Variants in RILPL1 observed in about 807,000 individuals in gnomAD.
The protein encoded by RILPL1 is Rab interacting lysosomal protein like 1.
A neutral mutation model predicts 50.3 loss-of-function variants in RILPL1; 33 were observed. That is an observed-to-expected ratio of 0.66 (90% CI 0.50 to 0.88). The LOEUF (loss-of-function observed/expected upper bound fraction) is 0.88, where lower values mean the gene tolerates loss of function less well. Ranked by LOEUF, RILPL1 falls within the 40% of genes least tolerant of loss-of-function variation. The pLI is 0.00. For missense variants in RILPL1, 418 were observed against 542.5 expected (o/e 0.77, Z 2.28); for synonymous variants, 205 against 228.6 (o/e 0.90, Z 0.93).
intron 2 of RILPL1, among the ~76,000 whole-genome samples, chr12:123,507,508 T>C (rs985571809): frequency 1.3e-5 from 2 of 148,804 alleles, no homozygotes; most frequent in African/African-American, 5.0e-5. Context: ...GAGGCTGCAA[T>C]GAGCTATGTC....
intron 2 of RILPL1, chr12:123,518,405 A>T: frequency 2.6e-6 from 1 of 382,810 alleles, no homozygotes; most frequent in South Asian, 1.8e-5. Flanking sequence ...TACTTAGAAG[A>T]CTGAGGTGGG....
chr12:123,513,393 G>T (rs542656595), intron 2 of RILPL1: 3 of 375,706 alleles, frequency 8.0e-6, no homozygotes, highest in African/African-American at 4.2e-5. Flanking sequence ...TTGGCTCCCC[G>T]AGAGGTGGGC....
At chr12:123,521,096 A>G (rs2139381261) in intron 2 of RILPL1, among the ~76,000 whole-genome samples, 1 of 152,244 alleles carries the variant, frequency 6.6e-6, no homozygotes, top group Middle Eastern at 3.4e-3. Context: ...CTGTTCAATC[A>G]GTAGGTTGGA....
intron 2 of RILPL1, among the ~76,000 whole-genome samples, chr12:123,517,152 G>A (rs764587060): frequency 2.0e-5 from 3 of 152,110 alleles, no homozygotes; most frequent in East Asian, 1.9e-4. Context: ...GGAGGAGAAC[G>A]TTTGGCTGCA....
chr12:123,508,254 C>T (rs372836282), intron 2 of RILPL1, among the ~76,000 whole-genome samples: 3 of 152,186 alleles, frequency 2.0e-5, no homozygotes, highest in East Asian at 1.9e-4. Context: ...ATTAGCCAGG[C>T]GTGGTGGCCC....
intron 2 of RILPL1, among the ~76,000 whole-genome samples, chr12:123,502,840 G>A (rs1180289721): frequency 6.6e-6 from 1 of 152,124 alleles, no homozygotes; most frequent in Non-Finnish European, 1.5e-5. Context: ...TGAAATCAAG[G>A]TATCAAGGTG....
chr12:123,488,416 G>C (rs1472902757), intron 4 of RILPL1, among the ~76,000 whole-genome samples: 1 of 148,382 alleles, frequency 6.7e-6, no homozygotes, highest in Non-Finnish European at 1.5e-5. Context: ...ACTTAAGGCA[G>C]TGTCTCCAAC....
chr12:123,478,577 G>A (rs936511026), intron 6 of RILPL1, among the ~76,000 whole-genome samples: 3 of 151,500 alleles, frequency 2.0e-5, no homozygotes, highest in Non-Finnish European at 4.4e-5. Flanking sequence ...GGGCTGGAGC[G>A]AGGGGGGTGG....
chr12:123,519,665 C>A (rs951309886), intron 2 of RILPL1: 1 of 152,264 alleles, frequency 6.6e-6, no homozygotes, highest in Admixed American at 6.5e-5. Flanking sequence ...AGGTCTGTTC[C>A]CCTAGCAGGT....
chr12:123,474,918 T>C (rs1881488780), intron 6 of RILPL1: 1 of 152,274 alleles, frequency 6.6e-6, no homozygotes, highest in South Asian at 2.1e-4. Flanking sequence ...CTACACTCAC[T>C]TTCTACCAGG....
In RILPL1 at chr12:123,533,569, G is replaced by C; in HGVS notation, c.-87C>G. The C allele has an allele frequency of 8.8e-7, 1 of 1,139,668 alleles. No homozygotes were observed. The highest frequency in any genetic ancestry group is 1.6e-5 in the African/African-American group (1 of 61,982). The allele number at this position is 1,139,668 out of a possible 1,614,324, so 70.6% of individuals were successfully genotyped here. On this transcript the variant is annotated 5_prime_UTR_variant, in exon 1 of 7. Transcript: ENST00000376874. The surrounding 1 kb of genome is among the most constrained non-coding windows in gnomAD (Gnocchi z 6.2). The stretch of plus-strand genomic sequence containing the variant: ...TCGAGGGCCGGGCCGGCCGGGCCCA[G>C]CCTGGGCCGCGGGCGGGCGCGCTCA...
intron 6 of RILPL1, among the ~76,000 whole-genome samples, chr12:123,483,902 G>A (rs973804344): frequency 3.3e-5 from 5 of 152,026 alleles, no homozygotes; most frequent in Non-Finnish European, 7.4e-5. Flanking sequence ...CCACCCCCAT[G>A]AAACACACTC....
chr12:123,472,878 C>T (rs117739839), intron 6 of RILPL1, 196 bp from the exon 7 acceptor site: 17 of 588,884 alleles, frequency 2.9e-5, no homozygotes, highest in East Asian at 1.8e-4. Flanking sequence ...CATTTGGACA[C>T]GGTACCTTGG....
chr12:123,528,357 T>C (rs1179486273), intron 1 of RILPL1, among the ~76,000 whole-genome samples: 1 of 64,994 alleles, frequency 1.5e-5, no homozygotes, highest in African/African-American at 3.8e-5. Context: ...AGATGCTGTC[T>C]CAAAAAAAAA....
chr12:123,490,102 ACC>A lies in RILPL1; in HGVS notation c.802-4299_802-4298del, dbSNP rs538796856. Among the ~76,000 whole-genome samples, 1,126 of 151,820 alleles carry A rather than the reference ACC, an allele frequency of 7.4e-3. 10 individuals carry two copies. Among genetic ancestry groups the A allele is most frequent in the Middle Eastern group, 0.014 (4 of 294 alleles). ...GCAGTGGCCCCTGCTATGGACCCGA[ACC>A]CCAAGCTCCCTCCAGTCCCTTCCTC... On this transcript the variant is annotated intron_variant, in intron 4 of 6. Transcript: ENST00000376874.
chr12:123,506,044 G>A (rs1280212429), intron 2 of RILPL1, among the ~76,000 whole-genome samples: 3 of 152,214 alleles, frequency 2.0e-5, no homozygotes, highest in African/African-American at 7.2e-5. Context: ...AGACAGGCAC[G>A]TGCCATTACA....
At chr12:123,525,352 G>A (rs1387425007) in intron 1 of RILPL1, among the ~76,000 whole-genome samples, 1 of 150,318 alleles carries the variant, frequency 6.7e-6, no homozygotes, top group Non-Finnish European at 1.5e-5. Context: ...CAGTAGCTGG[G>A]ACTACAGGCA....
chr12:123,511,400 C>CTG (rs547907228), intron 2 of RILPL1, among the ~76,000 whole-genome samples: 5 of 66,162 alleles, frequency 7.6e-5, no homozygotes, highest in South Asian at 4.9e-4. Flanking sequence ...TGTGTGAGGT[C>CTG]TGTGTGTGTG....
At chr12:123,495,616 C>T (rs111406232) in intron 4 of RILPL1, among the ~76,000 whole-genome samples, 10,964 of 150,060 alleles carry the variant, frequency 0.073, 1,261 homozygotes, top group African/African-American at 0.25. Context: ...CCTTGTGATC[C>T]GCCTGCCTTG....
Sources: gnomAD v4.1 joint callset for allele counts (sites outside exome capture counted in the v4.1 genomes callset) on GRCh38, gnomAD v4.1.1 for gene constraint, Gnocchi (gnomAD v3.1) non-coding constraint, MANE v1.5 for transcripts, NCBI Gene and HGNC (gene_info 2026-07-23, HGNC 2026-07-21) for gene names.